Variants in CSMD1 observed in about 807,000 individuals in gnomAD.
CSMD1 encodes CUB and sushi domain-containing protein 1.
A neutral mutation model predicts 417.5 loss-of-function variants in CSMD1; 213 were observed. The observed-to-expected ratio is 0.51, with a 90% CI of 0.46 to 0.57. The LOEUF (loss-of-function observed/expected upper bound fraction) is 0.57, where lower values mean the gene tolerates loss of function less well. Ranked by LOEUF, CSMD1 falls within the 20% of genes least tolerant of loss-of-function variation. The pLI is 0.00. For synonymous variants in CSMD1, 2,862 were observed against 1,736.8 expected (o/e 1.65, Z -16.11); for missense variants, 6,923 against 4,529.7 (o/e 1.53, Z -15.17).
intron 4 of CSMD1, among the ~76,000 whole-genome samples, chr8:3,999,608 GT>G (rs990778766): frequency 6.6e-6 from 1 of 152,130 alleles, no homozygotes; most frequent in Non-Finnish European, 1.5e-5. Context: ...ACAGCACACG[GT>G]TTTTGTTCCC....
At chr8:4,438,457 C>T (rs1271704909) in intron 2 of CSMD1, among the ~76,000 whole-genome samples, 5 of 152,204 alleles carry the variant, frequency 3.3e-5, no homozygotes, top group African/African-American at 1.2e-4. Context: ...TTAACTGGGA[C>T]ATGTGGCAAT....
At position 4,168,913 on chromosome 8, in the gene CSMD1, G is replaced by C. The variant is rs371065005; in HGVS notation, c.416-136814C>G. Among the ~76,000 whole-genome samples the C allele has an allele frequency of 3.3e-5, 5 of 152,144 alleles. No homozygotes were observed. The East Asian group carries it at 5.8e-4, about 18-fold the overall frequency. On this transcript the variant is annotated intron_variant, in intron 3 of 69. Coordinates refer to ENST00000635120, the MANE Select transcript of CSMD1 (RefSeq NM_033225.6). ...ACTGCTTATCCAACCGCCAGTGCCA[G>C]GCCTTGCTCTGTTTAACCTTGGCCT...
At chr8:3,551,597 T>TATATATATATATATA (rs1491324597) in intron 10 of CSMD1, among the ~76,000 whole-genome samples, 1 of 90,668 alleles carries the variant, frequency 1.1e-5, no homozygotes, top group Non-Finnish European at 2.0e-5. Context: ...TATATATATA[T>TATATATATATATATA]TTTTTTTTTT....
At chr8:4,720,720 C>T (rs1011270056) in intron 1 of CSMD1, among the ~76,000 whole-genome samples, 1 of 152,070 alleles carries the variant, frequency 6.6e-6, no homozygotes, top group Non-Finnish European at 1.5e-5. Context: ...CCACGACTGG[C>T]TAAATAATTT....
chr8:4,238,353 G>C (rs1177385318), intron 3 of CSMD1, among the ~76,000 whole-genome samples: 1 of 152,164 alleles, frequency 6.6e-6, no homozygotes, highest in Non-Finnish European at 1.5e-5. Flanking sequence ...CCAGCTCCCA[G>C]CAAGGACTGG....
At chr8:3,888,136 C>G (rs989611179) in intron 5 of CSMD1, among the ~76,000 whole-genome samples, 2 of 152,140 alleles carry the variant, frequency 1.3e-5, no homozygotes, top group Non-Finnish European at 2.9e-5. Context: ...ACATGGATAA[C>G]TAACATCATT....
At chr8:3,614,747 T>C (rs908942016) in intron 8 of CSMD1, among the ~76,000 whole-genome samples, 2 of 152,166 alleles carry the variant, frequency 1.3e-5, no homozygotes, top group Admixed American at 6.5e-5. Flanking sequence ...ATATCACACA[T>C]AGATGAGTTT....
intron 1 of CSMD1, among the ~76,000 whole-genome samples, chr8:4,668,838 C>G (rs995123351): frequency 6.6e-6 from 1 of 151,954 alleles, no homozygotes; most frequent in Non-Finnish European, 1.5e-5. Context: ...ATCTGTTATC[C>G]TCTCTCTACC....
At chr8:3,137,475 G>A (rs759721325) in intron 41 of CSMD1, among the ~76,000 whole-genome samples, 18 of 152,216 alleles carry the variant, frequency 1.2e-4, no homozygotes, top group East Asian at 3.9e-4. Flanking sequence ...TGCTGAGCGC[G>A]GAGCGAGGTA....
chr8:3,178,603 A>G (rs1196788278), intron 37 of CSMD1, among the ~76,000 whole-genome samples: 3 of 152,200 alleles, frequency 2.0e-5, no homozygotes, highest in Non-Finnish European at 2.9e-5. Flanking sequence ...AAGGCTAAAA[A>G]TGCTCTATGC....
intron 25 of CSMD1, among the ~76,000 whole-genome samples, chr8:3,289,473 C>G (rs1180847670): frequency 6.8e-6 from 1 of 147,456 alleles, no homozygotes; most frequent in Non-Finnish European, 1.5e-5. Flanking sequence ...TTCTCCATAT[C>G]CTCTCCAGCA....
chr8:4,737,190 A>T (rs1252001185), intron 1 of CSMD1, among the ~76,000 whole-genome samples: 1 of 152,210 alleles, frequency 6.6e-6, no homozygotes, highest in Non-Finnish European at 1.5e-5. Flanking sequence ...CTGCAGGGAC[A>T]TGGATGGAAC....
chr8:3,018,768 TC>T (rs1464808940), intron 51 of CSMD1, 118 bp from the exon 52 acceptor site: 2 of 909,064 alleles, frequency 2.2e-6, no homozygotes, highest in East Asian at 5.1e-5. Flanking sequence ...GTCTTAATTT[TC>T]ACTAAGAACA....
Position 2,994,497 on chromosome 8 carries a change from C to G in CSMD1, c.8377+3514G>C, listed in dbSNP as rs917952053. 2.6e-5 allele frequency among the ~76,000 whole-genome samples: 4 copies of G among 152,316 alleles called. No individual in the cohort carries two copies. In the East Asian group the frequency reaches 7.7e-4, roughly 29 times the overall value. ...TCCCAAAATGAGCACCAGTTCCCCA[C>G]ACGCCATCGTGCCCACTCACGTGAT... is the stretch of plus-strand genomic sequence containing the variant. On this transcript the variant is annotated intron_variant, in intron 54 of 69. Transcript: ENST00000635120.
At chr8:4,022,731 T>C (rs1215688534) in intron 4 of CSMD1, among the ~76,000 whole-genome samples, 2 of 152,174 alleles carry the variant, frequency 1.3e-5, no homozygotes, top group African/African-American at 2.4e-5. Context: ...GACAACTCAC[T>C]GGATGAACAG....
At chr8:4,077,965 G>C (rs13264979) in intron 3 of CSMD1, among the ~76,000 whole-genome samples, 15,450 of 152,062 alleles carry the variant, frequency 0.1, 878 homozygotes, top group Middle Eastern at 0.16. Context: ...CTGCATGTGT[G>C]TCCCCAGGCT....
intron 3 of CSMD1, among the ~76,000 whole-genome samples, chr8:4,222,291 T>C (rs1364599575): frequency 2.6e-5 from 4 of 152,184 alleles, no homozygotes; most frequent in African/African-American, 9.7e-5. Context: ...GTATTGCTTT[T>C]AATTTTTAGG....
At chr8:3,871,363 C>A (rs1313276016) in intron 5 of CSMD1, among the ~76,000 whole-genome samples, 1 of 152,054 alleles carries the variant, frequency 6.6e-6, no homozygotes, top group Non-Finnish European at 1.5e-5. Flanking sequence ...ATGTCTCTTA[C>A]TAAAATAATG....
At chr8:4,165,279 T>G (rs975664579) in intron 3 of CSMD1, among the ~76,000 whole-genome samples, 1 of 152,234 alleles carries the variant, frequency 6.6e-6, no homozygotes, top group Non-Finnish European at 1.5e-5. Context: ...TTACAGCTGT[T>G]GATCCACTCG....
Sources: gnomAD v4.1 joint callset for allele counts (sites outside exome capture counted in the v4.1 genomes callset) on GRCh38, gnomAD v4.1.1 for gene constraint, MANE v1.5 for transcripts, NCBI Gene and HGNC (gene_info 2026-07-23, HGNC 2026-07-21) for gene names.